Variants in HTT observed in about 807,000 individuals in gnomAD.
HTT encodes the protein huntingtin, also known as huntington disease protein.
A neutral mutation model predicts 362.3 loss-of-function variants in HTT; 104 were observed. The observed-to-expected ratio is 0.29, with a 90% confidence interval of 0.24 to 0.34. The LOEUF (loss-of-function observed/expected upper bound fraction) is 0.34. HTT is among the 10% of genes least tolerant of loss of function. The pLI is 1.00. For synonymous variants in HTT, 1,577 were observed against 1,548.7 expected (o/e 1.02, Z -0.43); for missense variants, 3,301 against 3,928.6 (o/e 0.84, Z 4.27).
intron 61 of HTT, among the ~76,000 whole-genome samples, chr4:3,233,693 C>T (rs1172754266): frequency 2.0e-5 from 3 of 152,256 alleles, no homozygotes; most frequent in Non-Finnish European, 2.9e-5. Flanking sequence ...AGGCTAGCCT[C>T]CTCTCTGCAC....
Position 3,238,798 on chromosome 4 carries a change from C to T in HTT, c.9055-20C>T, listed in dbSNP as rs763547971. Reference sequence around the variant, plus strand: ...CGTCCCCCCAGCCCTGACACTCAGGCACCTGCTTGCTCCTTGCAGGTGTTT... The same window carrying T: ...CGTCCCCCCAGCCCTGACACTCAGGTACCTGCTTGCTCCTTGCAGGTGTTT... On this transcript the variant is annotated intron_variant, in intron 65 of 66. Transcript: ENST00000355072. The T allele has an allele frequency of 4.1e-5, 65 of 1,569,246 alleles. No individual in the cohort carries two copies. The highest frequency in any genetic ancestry group is 2.1e-4 in the Admixed American group (12 of 57,238).
chr4:3,198,111 C>T (rs937219542), intron 40 of HTT, among the ~76,000 whole-genome samples: 2 of 151,780 alleles, frequency 1.3e-5, no homozygotes, highest in South Asian at 2.1e-4. Context: ...TCTGTTAGCT[C>T]GCTTCCTTGG....
At chr4:3,179,881 T>C (rs1301594439) in intron 35 of HTT, among the ~76,000 whole-genome samples, 1 of 151,190 alleles carries the variant, frequency 6.6e-6, no homozygotes, top group East Asian at 1.9e-4. Flanking sequence ...TGTGTGAGCG[T>C]ATGTGTCACT....
At chr4:3,158,451 T>G (rs1717271297) in intron 28 of HTT, among the ~76,000 whole-genome samples, 1 of 152,226 alleles carries the variant, frequency 6.6e-6, no homozygotes. Flanking sequence ...ACCTCAGATG[T>G]TAAGTCACCC....
chr4:3,088,188 G>GTTT (rs1351334116), intron 2 of HTT, among the ~76,000 whole-genome samples: 2 of 100,016 alleles, frequency 2.0e-5, no homozygotes, highest in Non-Finnish European at 4.3e-5. Flanking sequence ...TTTCACTTTT[G>GTTT]TTTTTTTTTT....
intron 41 of HTT, among the ~76,000 whole-genome samples, chr4:3,201,247 G>C (rs1468721893): frequency 6.6e-6 from 1 of 152,036 alleles, no homozygotes; most frequent in African/African-American, 2.4e-5. Context: ...TAATAGATTA[G>C]GCTGGGCGTG....
In HTT at chr4:3,238,626, G is replaced by A. The variant is rs1721654180; in HGVS notation, c.9054+17G>A. The A allele has an allele frequency of 1.1e-5, 17 of 1,584,516 alleles. No homozygotes were observed. In the East Asian group the frequency reaches 3.8e-4, roughly 36 times the overall value. On this transcript the variant is annotated intron_variant, in intron 65 of 66. Coordinates refer to ENST00000355072, the MANE Select transcript of HTT (RefSeq NM_001388492.1). ...GTGTATAAGGTGAGGTTGCATGTGG[G>A]ATGGGGATGGAGTGGGAAAGCCTGG...
At chr4:3,113,473 G>A (rs896497399) in intron 6 of HTT, among the ~76,000 whole-genome samples, 5 of 152,066 alleles carry the variant, frequency 3.3e-5, no homozygotes, top group African/African-American at 1.2e-4. Flanking sequence ...GAGACTGCAG[G>A]TGCGTACCAC....
intron 37 of HTT, among the ~76,000 whole-genome samples, chr4:3,185,098 G>A (rs767823090): frequency 6.6e-6 from 1 of 152,198 alleles, no homozygotes; most frequent in Non-Finnish European, 1.5e-5. Context: ...ACAGGAGAGA[G>A]ACTTGGGAAA....
At chr4:3,075,113 C>T (rs895629243) in intron 1 of HTT, 25 bp downstream of exon 1, 117 of 1,220,736 alleles carry the variant, frequency 9.6e-5, no homozygotes, top group Non-Finnish European at 1.1e-4. Flanking sequence ...GCTGCAGCTC[C>T]CTGTCCCGGC....
chr4:3,099,842 G>A (rs949779197), intron 3 of HTT, among the ~76,000 whole-genome samples: 1 of 150,752 alleles, frequency 6.6e-6, no homozygotes. Context: ...GTATGGTTTG[G>A]AAGTGCTCTT....
rs1376658765 is a variant in HTT at position 3,074,927 on chromosome 4, GCAGCAGCAA to G, written c.107_115del (p.Gln36_Gln38del). ...AGCAGCAGCAGCAGCAGCAGCAGCA[GCAGCAGCAA>G]CAGCCGCCACCGCCGCCGCCGCCGC... On this transcript the variant is annotated inframe_deletion, in exon 1 of 67. Transcript: ENST00000355072. 5 of 1,278,518 alleles carry G rather than the reference GCAGCAGCAA, an allele frequency of 3.9e-6. No homozygotes were observed. The highest frequency in any genetic ancestry group is 2.5e-5 in the Admixed American group (1 of 40,592). The allele number at this position is 1,278,518 out of a possible 1,614,324, so 79.2% of individuals were successfully genotyped here.
In HTT at chr4:3,174,956, A is replaced by T; in HGVS notation, c.4256A>T (p.His1419Leu). Reference sequence around the variant, plus strand: ...TTTTCTTTTTTATAGAATGCTATTCATAATCACATTCGTTTGTTTGAACCT... The same window carrying T: ...TTTTCTTTTTTATAGAATGCTATTCTTAATCACATTCGTTTGTTTGAACCT... Reference protein sequence around the residue: ...TKNRADKNAIHNHIRLFEPLV... With the variant: ...TKNRADKNAILNHIRLFEPLV... Residue 1419 changes from histidine (H) to leucine (L), a missense_variant, in exon 33 of 67, where the codon CAT (histidine) becomes CTT (leucine). Physicochemically the swap from His to Leu is moderately conservative, Grantham distance 99. Coordinates refer to ENST00000355072, the MANE Select transcript of HTT (RefSeq NM_001388492.1). The T allele has an allele frequency of 6.3e-7, 1 of 1,596,268 alleles. No individual in the cohort carries two copies. The highest frequency in any genetic ancestry group is 1.3e-5 in the African/African-American group (1 of 74,436).
At chr4:3,122,587 T>C (rs966362619) in intron 9 of HTT, among the ~76,000 whole-genome samples, 1 of 152,242 alleles carries the variant, frequency 6.6e-6, no homozygotes, top group African/African-American at 2.4e-5. Context: ...TGAAAAGTTA[T>C]ACTTGACTGT....
chr4:3,173,368 G>A (rs1431410083), intron 31 of HTT: 1 of 540,728 alleles, frequency 1.8e-6, no homozygotes, highest in Non-Finnish European at 3.3e-6. Context: ...ACATCTCAGA[G>A]GTGGGGGTAG....
Position 3,240,324 on chromosome 4 carries a change from G to A in HTT, c.*265G>A, listed in dbSNP as rs112765468. ...AGCAGCTGTGCTGCACCCCATGTGG[G>A]TGACCAGGTCCTTTCTCCTGATAGT... On this transcript the variant is annotated 3_prime_UTR_variant, in exon 67 of 67. Transcript: ENST00000355072. 3.9e-5 allele frequency: 21 copies of A among 532,098 alleles called. No individual in the cohort carries two copies. The highest frequency in any genetic ancestry group is 2.5e-4 in the African/African-American group (13 of 52,558). The allele number at this position is 532,098 out of a possible 1,614,324, so 33.0% of individuals were successfully genotyped here. A position where few individuals can be genotyped will look rare whatever the true frequency, so the allele number is the denominator to read the frequency against.
In HTT at chr4:3,074,919, CAG is replaced by C. The variant is rs1487001233; in HGVS notation, c.95_96del (p.Gln32ProfsTer50). Reference sequence around the variant, plus strand: ...GCAGCAGCAGCAGCAGCAGCAGCAGCAGCAGCAGCAGCAGCAACAGCCGCCAC... The same window carrying C: ...GCAGCAGCAGCAGCAGCAGCAGCAGCCAGCAGCAGCAGCAACAGCCGCCAC... ...QQQQQQQQQQ[Q>X]QQQQQQPPPP... On this transcript the variant is annotated frameshift_variant, in exon 1 of 67. Coordinates refer to ENST00000355072, the MANE Select transcript of HTT (RefSeq NM_001388492.1). LOFTEE classifies it high-confidence loss of function. The C allele has an allele frequency of 6.0e-6, 9 of 1,489,358 alleles. No individual in the cohort carries two copies. The highest frequency in any genetic ancestry group is 6.0e-5 in the African/African-American group (4 of 66,812). 92.3% of individuals were successfully genotyped at this position (1,489,358 alleles called of 1,614,324 possible). A position where few individuals can be genotyped will look rare whatever the true frequency, so the allele number is the denominator to read the frequency against.
intron 22 of HTT, among the ~76,000 whole-genome samples, 165 bp from the exon 23 acceptor site, chr4:3,142,601 A>G (rs910584349): frequency 4.6e-5 from 7 of 152,182 alleles, no homozygotes; most frequent in African/African-American, 1.7e-4. Context: ...AAATTCAGCC[A>G]TTGTTATGGA....
chr4:3,233,507 A>G (rs1336224691), intron 61 of HTT, among the ~76,000 whole-genome samples, 154 bp downstream of exon 61: 1 of 152,150 alleles, frequency 6.6e-6, no homozygotes, highest in African/African-American at 2.4e-5. Context: ...GGTCAGTGAG[A>G]CGCAAGAGCA....
Sources: allele counts gnomAD v4.1 joint callset (sites outside exome capture counted in the v4.1 genomes callset), GRCh38; gene constraint gnomAD v4.1.1; transcripts MANE v1.5; gene names NCBI Gene and HGNC (gene_info 2026-07-23, HGNC 2026-07-21).